The following TTC6 variants were observed in gnomAD, a reference collection of about 807,000 sequenced individuals.
TTC6 encodes tetratricopeptide repeat protein 6.
Under a neutral mutation model 210.4 loss-of-function variants are expected in TTC6, and 172 were observed. The ratio of observed to expected loss-of-function variants is 0.82; its 90% confidence interval spans 0.72 to 0.93. The LOEUF (loss-of-function observed/expected upper bound fraction) is 0.93, where lower values mean the gene tolerates loss of function less well. TTC6 is among the 40% of genes least tolerant of loss of function. TTC6 has a pLI of 0.00. For missense variants in TTC6, 2,414 were observed against 2,318.1 expected, an observed-to-expected ratio of 1.04 and a Z score of -0.85; for synonymous variants, 804 against 819.6, an observed-to-expected ratio of 0.98 and a Z score of 0.32.
intron 14 of TTC6, among the ~76,000 whole-genome samples, chr14:37,758,760 G>A (rs1340265020): frequency 1.3e-5 from 2 of 152,086 alleles, no homozygotes; most frequent in Non-Finnish European, 2.9e-5. Context: ...TACATTAGTT[G>A]GTGCAGTTTC....
At chr14:37,790,681 A>C in intron 15 of TTC6, 36 bp from the exon 18 acceptor site, 1 of 1,496,876 alleles carries the variant, frequency 6.7e-7, no homozygotes, top group Non-Finnish European at 9.0e-7. Context: ...GTTATTTTAG[A>C]ACCTGAATGA....
At chr14:37,722,101 G>T (rs1480000999) in intron 6 of TTC6, among the ~76,000 whole-genome samples, 4 of 151,760 alleles carry the variant, frequency 2.6e-5, no homozygotes, top group South Asian at 4.2e-4. Flanking sequence ...TTCCCTTAGT[G>T]AACAGAATAC....
At chr14:37,719,947 G>T (rs528780227) in intron 6 of TTC6, among the ~76,000 whole-genome samples, 2 of 151,996 alleles carry the variant, frequency 1.3e-5, no homozygotes, top group African/African-American at 2.4e-5. Flanking sequence ...TGCAAAACAC[G>T]TATCCGGCAA....
At chr14:37,635,981 C>CAAAAAAAAAAAAAAAA (rs71433909) in intron 1 of TTC6, among the ~76,000 whole-genome samples, 5 of 70,358 alleles carry the variant, frequency 7.1e-5, no homozygotes, top group African/African-American at 2.0e-4. Flanking sequence ...ATTCCATTTC[C>CAAAAAAAAAAAAAAAA]AAAAAAAAAA....
intron 2 of TTC6, among the ~76,000 whole-genome samples, chr14:37,608,279 G>GT (rs202231352): frequency 1.4e-4 from 21 of 150,938 alleles, no homozygotes; most frequent in Non-Finnish European, 2.8e-4. Context: ...GCGCTTACAA[G>GT]TTTTTTTTGT....
intron 1 of TTC6, among the ~76,000 whole-genome samples, chr14:37,675,380 C>T (rs996704542): frequency 1.3e-5 from 2 of 152,068 alleles, no homozygotes; most frequent in African/African-American, 2.4e-5. Flanking sequence ...AAGATTCATC[C>T]AACATCGTGG....
intron 8 of TTC6, among the ~76,000 whole-genome samples, chr14:37,737,144 A>G (rs1323941797): frequency 2.0e-5 from 3 of 152,132 alleles, no homozygotes; most frequent in Admixed American, 6.5e-5. Context: ...ACTCTAGTTT[A>G]GTAGAGCTTT....
intron 1 of TTC6, among the ~76,000 whole-genome samples, chr14:37,648,092 C>A (rs1178464546): frequency 6.6e-6 from 1 of 152,074 alleles, no homozygotes; most frequent in African/African-American, 2.4e-5. Context: ...TTTCTATTTG[C>A]ATTTTCAAAT....
chr14:37,830,507 C>A (rs2096182187), intron 29 of TTC6, among the ~76,000 whole-genome samples: 1 of 151,142 alleles, frequency 6.6e-6, no homozygotes, highest in Admixed American at 6.6e-5. Flanking sequence ...TTTTTTATTT[C>A]TTAATGTCTG....
At chr14:37,823,658 A>G (rs1241993334) in intron 26 of TTC6, 89 bp from the exon 29 acceptor site, 1 of 1,177,330 alleles carries the variant, frequency 8.5e-7, no homozygotes, top group Non-Finnish European at 1.2e-6. Context: ...TCAAATCTTT[A>G]TGGAAAAGTC....
intron 1 of TTC6, among the ~76,000 whole-genome samples, chr14:37,655,048 T>C (rs1002828551): frequency 6.6e-6 from 1 of 152,260 alleles, no homozygotes; most frequent in Non-Finnish European, 1.5e-5. Flanking sequence ...GGGAGTTATT[T>C]TGGCTGCTCT....
At chr14:37,674,888 G>T (rs1245809535) in intron 1 of TTC6, among the ~76,000 whole-genome samples, 2 of 151,444 alleles carry the variant, frequency 1.3e-5, no homozygotes, top group African/African-American at 4.9e-5. Context: ...TTATTTCTCT[G>T]GCTTTACTAG....
At chr14:37,794,379 G>T (rs1239554869) in intron 17 of TTC6, among the ~76,000 whole-genome samples, 2 of 152,012 alleles carry the variant, frequency 1.3e-5, no homozygotes, top group East Asian at 1.9e-4. Flanking sequence ...GCACAAATTA[G>T]TTTTGTACAT....
chr14:37,796,743 T>C, intron 19 of TTC6, 44 bp from the exon 22 acceptor site: 4 of 1,556,488 alleles, frequency 2.6e-6, no homozygotes, highest in Admixed American at 2.0e-5. Context: ...TTCAAAATCA[T>C]TGATACTTGG....
chr14:37,643,435 T>C (rs553350407), intron 1 of TTC6, among the ~76,000 whole-genome samples: 2 of 152,312 alleles, frequency 1.3e-5, no homozygotes, highest in South Asian at 4.1e-4. Flanking sequence ...GGTGTGTCTA[T>C]GGCCTTACCA....
intron 1 of TTC6, among the ~76,000 whole-genome samples, chr14:37,623,419 T>C (rs1472253620): frequency 6.6e-6 from 1 of 152,250 alleles, no homozygotes; most frequent in East Asian, 1.9e-4. Flanking sequence ...GCATTTATAT[T>C]CTAAGAAGAT....
intron 6 of TTC6, among the ~76,000 whole-genome samples, chr14:37,716,351 C>T (rs538197576): frequency 6.6e-6 from 1 of 152,186 alleles, no homozygotes; most frequent in African/African-American, 2.4e-5. Context: ...TAAACCCTAA[C>T]TTAAATGTAA....
intron 1 of TTC6, among the ~76,000 whole-genome samples, chr14:37,678,269 A>T (rs1410973391): frequency 3.3e-5 from 5 of 152,084 alleles, no homozygotes; most frequent in Admixed American, 3.3e-4. Flanking sequence ...CTAACAGATG[A>T]TCCTTCTGGC....
chr14:37,841,336 A>G, intron 29 of TTC6, 109 bp from the exon 32 acceptor site: 1 of 894,864 alleles, frequency 1.1e-6, no homozygotes, highest in Non-Finnish European at 1.7e-6. Flanking sequence ...GCTTCTGTTG[A>G]CCTCTTGGTA....
Sources: allele counts gnomAD v4.1 joint callset (sites outside exome capture counted in the v4.1 genomes callset), GRCh38; gene constraint gnomAD v4.1.1; transcripts MANE v1.5; gene names NCBI Gene and HGNC (gene_info 2026-07-23, HGNC 2026-07-21).